The following RSPH14 variants were observed in gnomAD, a reference collection of about 807,000 sequenced individuals.
RSPH14 encodes the protein radial spoke head 14 homolog.
RSPH14 carries 20 observed loss-of-function variants against 26.7 expected under a neutral mutation model. That is an observed-to-expected ratio of 0.75 (90% CI 0.53 to 1.09). RSPH14 has a LOEUF of 1.09. Ranked by LOEUF, RSPH14 falls within the 50% of genes least tolerant of loss-of-function variation. The probability of loss-of-function intolerance (pLI) is 0.00; values close to 1 mark genes in which losing one functional copy is unlikely to be tolerated. For missense variants in RSPH14, 449 were observed against 457.2 expected (o/e 0.98, Z 0.16); for synonymous variants, 177 against 189.3 (o/e 0.93, Z 0.53).
rs919732521 is a variant in RSPH14 at position 23,063,975 on chromosome 22, C to A, written c.580G>T (p.Val194Phe). The A allele has an allele frequency of 6.2e-7, 1 of 1,614,198 alleles. No homozygotes were observed. Among genetic ancestry groups the A allele is most frequent in the South Asian group, 1.1e-5 (1 of 91,084 alleles). ...TEALGSNVVL[V>F]LKQKLLSANQ... ...GCGCTGAGGAGCTTCTGCTTCAGGA[C>A]AAGCACCACATTGCTGCCCAGGGCC... The change falls in exon 5 of 7, where the codon GTC (valine) becomes TTC (phenylalanine). Residue 194 changes from valine to phenylalanine, a missense_variant. Coordinates refer to ENST00000216036, the MANE Select transcript of RSPH14 (RefSeq NM_014433.3).
In RSPH14 at chr22:23,088,967, G is replaced by T. The variant is rs144777055; in HGVS notation, c.422-24834C>A. Reference sequence around the variant, plus strand: ...CCAGTCACAGTCTGGGTACAGTTCCGTCTCCTCAACAAGCCTAAACTATCT... The same window carrying T: ...CCAGTCACAGTCTGGGTACAGTTCCTTCTCCTCAACAAGCCTAAACTATCT... On this transcript the variant is annotated intron_variant, in intron 4 of 6. Coordinates refer to ENST00000216036, the MANE Select transcript of RSPH14 (RefSeq NM_014433.3). Among the ~76,000 whole-genome samples, 235 of 152,310 alleles carry T rather than the reference G, an allele frequency of 1.5e-3. 1 individual carries two copies. The highest frequency in any genetic ancestry group is 0.01 in the Middle Eastern group (3 of 294).
At chr22:23,082,664 C>T (rs2068716039) in intron 4 of RSPH14, among the ~76,000 whole-genome samples, 1 of 152,246 alleles carries the variant, frequency 6.6e-6, no homozygotes, top group South Asian at 2.1e-4. Context: ...CACTGCAGAA[C>T]TCCCACGGCA....
intron 4 of RSPH14, among the ~76,000 whole-genome samples, chr22:23,084,845 C>T (rs571976845): frequency 6.6e-6 from 1 of 152,360 alleles, no homozygotes; most frequent in Admixed American, 6.5e-5. Flanking sequence ...GACACCAACC[C>T]TGGCTCACTT....
chr22:23,157,185 C>T, the RSPH14 span, among the ~76,000 whole-genome samples: 8 of 152,080 alleles, frequency 5.3e-5, no homozygotes, highest in African/African-American at 1.9e-4. Flanking sequence ...TTCGCTAAAG[C>T]AGGTTGTTGC....
chr22:23,157,927 C>T, the RSPH14 span: 1 of 1,608,080 alleles, frequency 6.2e-7, no homozygotes, highest in South Asian at 1.1e-5. Context: ...TGGGCACCTC[C>T]TGGGGAGCCC....
At chr22:23,178,314 G>T in the RSPH14 span, among the ~76,000 whole-genome samples, 2 of 152,050 alleles carry the variant, frequency 1.3e-5, no homozygotes, top group African/African-American at 4.8e-5. Flanking sequence ...TACTTGGGAG[G>T]CTGAGGCAGC....
chr22:23,137,627 T>C (rs1293310669), intron 3 of RSPH14, among the ~76,000 whole-genome samples: 1 of 152,090 alleles, frequency 6.6e-6, no homozygotes, highest in African/African-American at 2.4e-5. Context: ...TGGCTGCCTG[T>C]TTACACCAAA....
chr22:23,128,952 C>A (rs1376101909), intron 4 of RSPH14, among the ~76,000 whole-genome samples: 1 of 152,204 alleles, frequency 6.6e-6, no homozygotes, highest in Non-Finnish European at 1.5e-5. Context: ...GAAACCATAC[C>A]AATGGCCACC....
the RSPH14 span, among the ~76,000 whole-genome samples, chr22:23,175,055 G>A: frequency 6.6e-6 from 1 of 150,396 alleles, no homozygotes; most frequent in East Asian, 2.0e-4. Flanking sequence ...GGAGTGCAGT[G>A]ACGCAATCTT....
At chr22:23,154,630 G>A in the RSPH14 span, among the ~76,000 whole-genome samples, 1 of 152,178 alleles carries the variant, frequency 6.6e-6, no homozygotes, top group African/African-American at 2.4e-5. Flanking sequence ...TCATTAGAGG[G>A]CCCTGGACAA....
At chr22:23,098,474 G>C (rs146065701) in intron 4 of RSPH14, among the ~76,000 whole-genome samples, 11 of 152,314 alleles carry the variant, frequency 7.2e-5, no homozygotes, top group Admixed American at 2.6e-4. Flanking sequence ...GCCATGGTGG[G>C]CAGCCATGGG....
intron 4 of RSPH14, among the ~76,000 whole-genome samples, chr22:23,110,089 C>T (rs1479007141): frequency 6.6e-6 from 1 of 152,202 alleles, no homozygotes; most frequent in African/African-American, 2.4e-5. Context: ...TGTCCCCAGA[C>T]ACCTCCCCAT....
intron 4 of RSPH14, among the ~76,000 whole-genome samples, chr22:23,130,101 A>AAG (rs1345142704): frequency 5.2e-5 from 4 of 77,234 alleles, no homozygotes; most frequent in African/African-American, 1.4e-4. Flanking sequence ...GAAAGAAAGA[A>AAG]AGAAAGAAAG....
intron 4 of RSPH14, among the ~76,000 whole-genome samples, chr22:23,120,330 G>A (rs1428368380): frequency 1.3e-5 from 2 of 152,068 alleles, no homozygotes; most frequent in South Asian, 2.1e-4. Flanking sequence ...CATGGCGTTG[G>A]ACAAGAAGAG....
chr22:23,133,575 C>T (rs5751589), intron 4 of RSPH14, among the ~76,000 whole-genome samples: 73,764 of 151,678 alleles, frequency 0.49, 18,525 homozygotes, highest in Middle Eastern at 0.58. Context: ...TTAGGATATG[C>T]GCTTTTCTTT....
intron 4 of RSPH14, among the ~76,000 whole-genome samples, chr22:23,096,867 G>A (rs1328475487): frequency 2.0e-5 from 3 of 152,348 alleles, no homozygotes; most frequent in South Asian, 2.1e-4. Context: ...GAAAGGGGAC[G>A]ACGTAAAAGC....
chr22:23,161,081 C>T, the RSPH14 span: 2 of 1,468,118 alleles, frequency 1.4e-6, no homozygotes, highest in Non-Finnish European at 1.8e-6. Context: ...CACCTGAGGC[C>T]TTGCCATTTC....
At chr22:23,150,030 G>A in the RSPH14 span, 1 of 1,534,476 alleles carries the variant, frequency 6.5e-7, no homozygotes, top group Non-Finnish European at 8.9e-7. Context: ...CAGCTTTGCA[G>A]GATGATGTGT....
At chr22:23,083,744 G>C (rs1989777) in intron 4 of RSPH14, among the ~76,000 whole-genome samples, 52,079 of 151,760 alleles carry the variant, frequency 0.34, 9,691 homozygotes, top group African/African-American at 0.5. Flanking sequence ...CCAGTTTGTG[G>C]GGCATCCCTT....
Sources: gnomAD v4.1 joint callset for allele counts (sites outside exome capture counted in the v4.1 genomes callset) on GRCh38, gnomAD v4.1.1 for gene constraint, MANE v1.5 for transcripts, NCBI Gene and HGNC (gene_info 2026-07-23, HGNC 2026-07-21) for gene names.